PTPRD: variants seen among roughly 807,000 people sequenced by gnomAD.
PTPRD encodes receptor-type tyrosine-protein phosphatase delta.
PTPRD carries 34 observed loss-of-function variants against 214.5 expected under a neutral mutation model. The ratio of observed to expected loss-of-function variants is 0.16; its 90% CI spans 0.12 to 0.21. The LOEUF (loss-of-function observed/expected upper bound fraction) is 0.21. PTPRD is among the 10% of genes least tolerant of loss of function. The pLI is 1.00. For missense variants in PTPRD, 2,545 were observed against 2,398.7 expected (o/e 1.06, Z -1.27); for synonymous variants, 1,128 against 845.7 (o/e 1.33, Z -5.79).
chr9:8,525,256 C>T, intron 17 of PTPRD: 1 of 666,526 alleles, frequency 1.5e-6, no homozygotes, highest in Non-Finnish European at 2.7e-6. Context: ...CATTAGAAAT[C>T]AATATCTCTT....
At chr9:8,512,605 A>G (rs1328133193) in intron 21 of PTPRD, among the ~76,000 whole-genome samples, 4 of 152,158 alleles carry the variant, frequency 2.6e-5, no homozygotes, top group East Asian at 3.9e-4. Context: ...AATTTGTAAT[A>G]GCATTAACAT....
intron 9 of PTPRD, among the ~76,000 whole-genome samples, chr9:9,197,700 C>G (rs967990161): frequency 5.3e-5 from 8 of 152,166 alleles, no homozygotes; most frequent in African/African-American, 1.9e-4. Flanking sequence ...CATGAGCCAC[C>G]ATGTCCGGCC....
intron 3 of PTPRD, among the ~76,000 whole-genome samples, chr9:10,184,587 C>A (rs147919162): frequency 1.3e-5 from 2 of 152,196 alleles, no homozygotes; most frequent in African/African-American, 4.8e-5. Flanking sequence ...ACTTTGATAG[C>A]AATTCGTTAT....
chr9:10,526,309 A>G (rs2054266828), intron 2 of PTPRD, among the ~76,000 whole-genome samples: 1 of 152,164 alleles, frequency 6.6e-6, no homozygotes, highest in Non-Finnish European at 1.5e-5. Context: ...CACATATTTC[A>G]AAAATGGATG....
chr9:9,960,157 C>G (rs763211486), intron 4 of PTPRD, among the ~76,000 whole-genome samples: 1 of 132,546 alleles, frequency 7.5e-6, no homozygotes, highest in Non-Finnish European at 1.6e-5. Flanking sequence ...TGGCAGAATG[C>G]AAGGACATAT....
Position 8,713,515 on chromosome 9 carries a change from G to A in PTPRD, c.64+20265C>T, listed in dbSNP as rs183671984. ...GACTGTCTACTGTGGTCAGGTGTTTGAGAAGTCCCCGCTGCGGGTGAAGAA... is the reference window on the plus strand; with the variant it reads ...GACTGTCTACTGTGGTCAGGTGTTTAAGAAGTCCCCGCTGCGGGTGAAGAA... On this transcript the variant is annotated intron_variant, in intron 12 of 45. Transcript: ENST00000381196. 1.8e-5 allele frequency: 22 copies of A among 1,201,262 alleles called. No individual in the cohort carries two copies. The East Asian group carries it at 5.2e-4, about 28-fold the overall frequency. The allele number at this position is 1,201,262 out of a possible 1,614,324, so 74.4% of individuals were successfully genotyped here. A position where few individuals can be genotyped will look rare whatever the true frequency, so the allele number is the denominator to read the frequency against.
chr9:9,833,701 C>T (rs2055787822), intron 5 of PTPRD, among the ~76,000 whole-genome samples: 1 of 148,136 alleles, frequency 6.8e-6, no homozygotes, highest in Admixed American at 7.1e-5. Flanking sequence ...AGTTCAGAGA[C>T]CTACCCCTAG....
Position 10,509,823 on chromosome 9 carries a change from T to A in PTPRD, c.-600+102575A>T, listed in dbSNP as rs536174450. ...TATTAGGATATGGAGCTAAGATATA[T>A]ATGCATGTATACCAACTCATATATA... On this transcript the variant is annotated intron_variant, in intron 2 of 45. Coordinates refer to ENST00000381196, the MANE Select transcript of PTPRD (RefSeq NM_002839.4). Among the ~76,000 whole-genome samples the A allele has an allele frequency of 8.6e-5, 13 of 151,806 alleles. No individual in the cohort carries two copies. The South Asian group carries it at 2.7e-3, about 31-fold the overall frequency.
At chr9:9,844,144 C>T (rs2058947074) in intron 5 of PTPRD, among the ~76,000 whole-genome samples, 1 of 151,580 alleles carries the variant, frequency 6.6e-6, no homozygotes, top group Non-Finnish European at 1.5e-5. Context: ...TTGTTTACTG[C>T]CTTAATTTTA....
At chr9:8,856,758 G>C (rs898832641) in intron 11 of PTPRD, among the ~76,000 whole-genome samples, 2 of 152,152 alleles carry the variant, frequency 1.3e-5, no homozygotes, top group African/African-American at 4.8e-5. Flanking sequence ...ACTACTATCT[G>C]GAATCCTGGA....
chr9:10,434,146 AT>A (rs1229157049), intron 2 of PTPRD, among the ~76,000 whole-genome samples: 5 of 151,566 alleles, frequency 3.3e-5, no homozygotes, highest in East Asian at 3.9e-4. Flanking sequence ...GAATGCAATT[AT>A]TTTTTTTATT....
chr9:8,501,681 A>T (rs1315138561), intron 23 of PTPRD, among the ~76,000 whole-genome samples: 3 of 152,204 alleles, frequency 2.0e-5, no homozygotes, highest in African/African-American at 4.8e-5. Flanking sequence ...ATAATAAAAA[A>T]AATGTTAACA....
At position 9,993,374 on chromosome 9, in the gene PTPRD, T is replaced by C. The variant is rs907878963; in HGVS notation, c.-472+40344A>G. Among the ~76,000 whole-genome samples the C allele has an allele frequency of 1.2e-4, 19 of 152,332 alleles. No individual in the cohort carries two copies. In the East Asian group the frequency reaches 3.3e-3, roughly 26 times the overall value. On this transcript the variant is annotated intron_variant, in intron 4 of 45. Transcript: ENST00000381196. The stretch of plus-strand genomic sequence containing the variant: ...AGAATGTTCAAGGTCGTATGTTTTT[T>C]TGTAATAGGCACAAACTGGAAACAA...
intron 8 of PTPRD, among the ~76,000 whole-genome samples, chr9:9,449,743 T>A (rs188726459): frequency 3.2e-4 from 48 of 152,082 alleles, no homozygotes; most frequent in African/African-American, 8.9e-4. Flanking sequence ...TCTTTTTTTT[T>A]AAATTTCAAT....
intron 11 of PTPRD, among the ~76,000 whole-genome samples, chr9:8,829,546 T>C (rs185508683): frequency 3.3e-5 from 5 of 152,202 alleles, no homozygotes; most frequent in African/African-American, 1.2e-4. Context: ...TATGGAAATC[T>C]TTATCATAAC....
At position 9,479,897 on chromosome 9, in the gene PTPRD, G is replaced by A. The variant is rs149954527; in HGVS notation, c.-236-82415C>T. On this transcript the variant is annotated intron_variant, in intron 8 of 45. Coordinates refer to ENST00000381196, the MANE Select transcript of PTPRD (RefSeq NM_002839.4). ...CAGGCTTATAGAAACTGACAATACT[G>A]AATGGTTATTTGGTATATAAACTAT... is the stretch of plus-strand genomic sequence containing the variant. Among the ~76,000 whole-genome samples, 22 of 152,236 alleles carry A rather than the reference G, an allele frequency of 1.4e-4. No homozygotes were observed. In the East Asian group the frequency reaches 4.2e-3, roughly 29 times the overall value.
intron 7 of PTPRD, among the ~76,000 whole-genome samples, chr9:9,577,560 C>T (rs1359263080): frequency 6.6e-6 from 1 of 151,608 alleles, no homozygotes; most frequent in Non-Finnish European, 1.5e-5. Flanking sequence ...AAGACCTTGT[C>T]TCAAAAAATA....
chr9:9,113,625 A>T (rs1402059758), intron 10 of PTPRD, among the ~76,000 whole-genome samples: 1 of 152,130 alleles, frequency 6.6e-6, no homozygotes, highest in Non-Finnish European at 1.5e-5. Flanking sequence ...TAGTTAGTTA[A>T]ACAGGCTTCT....
chr9:9,826,580 G>A (rs2052936191), intron 5 of PTPRD, among the ~76,000 whole-genome samples: 2 of 151,896 alleles, frequency 1.3e-5, no homozygotes, highest in Admixed American at 1.3e-4. Context: ...TAAAATGATG[G>A]AAAAGTAGAT....
Sources: allele counts gnomAD v4.1 joint callset (sites outside exome capture counted in the v4.1 genomes callset), GRCh38; gene constraint gnomAD v4.1.1; transcripts MANE v1.5; gene names NCBI Gene and HGNC (gene_info 2026-07-23, HGNC 2026-07-21).